SLC12A7: variants seen among roughly 807,000 people sequenced by gnomAD.
The protein encoded by SLC12A7 is solute carrier family 12 member 7.
SLC12A7 carries 100 observed loss-of-function variants against 120.6 expected under a neutral mutation model. That is an observed-to-expected ratio of 0.83 (90% CI 0.71 to 0.98). The LOEUF is 0.98. Among genes scored for constraint, SLC12A7 ranks in the 50% least tolerant of loss-of-function variants. SLC12A7 has a pLI of 0.00. For missense variants in SLC12A7, 1,373 were observed against 1,548.1 expected (o/e 0.89, Z 1.90); for synonymous variants, 760 against 678.0 (o/e 1.12, Z -1.88).
intron 17 of SLC12A7, among the ~76,000 whole-genome samples, chr5:1,066,611 A>T (rs1737080965): frequency 6.6e-6 from 1 of 152,206 alleles, no homozygotes; most frequent in Non-Finnish European, 1.5e-5. Context: ...TTATGGATGT[A>T]TTGAAGAACC....
At chr5:1,053,522 A>G in intron 22 of SLC12A7, 40 bp from the exon 23 acceptor site, 3 of 1,604,134 alleles carry the variant, frequency 1.9e-6, no homozygotes, top group Non-Finnish European at 1.7e-6. Flanking sequence ...CGGCGGGTGC[A>G]CCCCACGCTC....
rs191777137 is a variant in SLC12A7 at position 1,090,520 on chromosome 5, G to A, written c.343-1392C>T. Among the ~76,000 whole-genome samples, 79 of 152,308 alleles carry A rather than the reference G, an allele frequency of 5.2e-4. 1 individual carries two copies. The East Asian group carries it at 0.014, about 26-fold the overall frequency. ...TGGTGCAAACGAGAGAAGCGGTGGC[G>A]GATGGTGGAGAACCGGCTTTGGGAC... On this transcript the variant is annotated intron_variant, in intron 3 of 23. Transcript: ENST00000264930.
the SLC12A7 span, among the ~76,000 whole-genome samples, chr5:1,144,011 G>A: frequency 3.3e-5 from 5 of 152,224 alleles, no homozygotes; most frequent in East Asian, 1.9e-4. Flanking sequence ...TGGCTCGGGC[G>A]GCTGTCACCA....
intron 1 of SLC12A7, among the ~76,000 whole-genome samples, chr5:1,110,700 A>C (rs1742932991): frequency 6.6e-6 from 1 of 152,088 alleles, no homozygotes; most frequent in Non-Finnish European, 1.5e-5. Context: ...AGGGGCTTGG[A>C]CTCACGGACC....
Position 1,081,626 on chromosome 5 carries a change from G to A in SLC12A7, c.1248C>T (p.Ile416=), listed in dbSNP as rs201010004. Residue 416 remains isoleucine (I), a synonymous_variant, in exon 9 of 24, where the codon ATC becomes ATT. Coordinates refer to ENST00000264930, the MANE Select transcript of SLC12A7 (RefSeq NM_006598.3). ...ASALPYVLTD[I]AASFTLLVGI... ...CAACCAGCAGGGTGAAGGAGGCCGC[G>A]ATGTCGGTGAGCACGTAGGGCAGTG... The A allele has an allele frequency of 2.4e-5, 39 of 1,611,196 alleles. No homozygotes were observed. The highest frequency in any genetic ancestry group is 4.5e-5 in the East Asian group (2 of 44,802).
chr5:1,085,318 C>T lies in SLC12A7; in HGVS notation c.831G>A (p.Ala277=), dbSNP rs112522540. 35 of 1,612,508 alleles carry T rather than the reference C, an allele frequency of 2.2e-5. No individual in the cohort carries two copies. The highest frequency in any genetic ancestry group is 1.3e-4 in the African/African-American group (10 of 75,046). ...GCACGACGCAGGCCAGGAAGACCAGCGCCAGCTTGTTGACATACTTGACGC... is the reference window on the plus strand; with the variant it reads ...GCACGACGCAGGCCAGGAAGACCAGTGCCAGCTTGTTGACATACTTGACGC... ...FVGVKYVNKL[A]LVFLACVVLS... is the part of the protein sequence containing the mutation. The change falls in exon 7 of 24, where the codon GCG becomes GCA. Residue 277 remains alanine (A), a synonymous_variant. Coordinates refer to ENST00000264930, the MANE Select transcript of SLC12A7 (RefSeq NM_006598.3).
chr5:1,062,727 G>T (rs1736439303), intron 20 of SLC12A7, among the ~76,000 whole-genome samples: 1 of 152,030 alleles, frequency 6.6e-6, no homozygotes, highest in Non-Finnish European at 1.5e-5. Flanking sequence ...GGGGCTGCGG[G>T]GCTGGAGAGA....
At chr5:1,095,014 G>GGCGGGGGGCCGGGAGGAGGC (rs1441721518) in intron 1 of SLC12A7, among the ~76,000 whole-genome samples, 1 of 124,814 alleles carries the variant, frequency 8.0e-6, no homozygotes, top group Non-Finnish European at 1.8e-5. Context: ...GTCGGTAGGA[G>GGCGGGGGGCCGGGAGGAGGC]GTGGGGGCGG....
At chr5:1,073,870 G>A (rs1738010646) in intron 16 of SLC12A7, 69 bp from the exon 17 acceptor site, 3 of 1,317,794 alleles carry the variant, frequency 2.3e-6, no homozygotes, top group Middle Eastern at 2.0e-4. Flanking sequence ...AACAGGCAGG[G>A]CAGATGGGAC....
intron 1 of SLC12A7, among the ~76,000 whole-genome samples, chr5:1,110,736 G>A (rs1742935524): frequency 6.6e-6 from 1 of 152,264 alleles, no homozygotes; most frequent in Non-Finnish European, 1.5e-5. Context: ...TTCACCTGGT[G>A]TTGAGCCTGG....
chr5:1,070,174 CCCCCAGTG>C, intron 17 of SLC12A7, among the ~76,000 whole-genome samples: 1 of 10,682 alleles, frequency 9.4e-5, no homozygotes, highest in African/African-American at 6.5e-4. Context: ...ACTTATGCAG[CCCCCAGTG>C]AGCCCCCAGT....
intron 22 of SLC12A7, 23 bp downstream of exon 22, chr5:1,057,448 A>G (rs1234343442): frequency 6.3e-6 from 10 of 1,593,862 alleles, no homozygotes; most frequent in African/African-American, 1.3e-5. Context: ...TGTTCCCCCC[A>G]GGCCACACGC....
intron 8 of SLC12A7, among the ~76,000 whole-genome samples, chr5:1,082,129 C>T (rs1035529849): frequency 1.4e-5 from 2 of 143,422 alleles, no homozygotes; most frequent in Non-Finnish European, 3.0e-5. Context: ...CGGGCTTCCC[C>T]GTCTCGGGTT....
intron 15 of SLC12A7, 43 bp downstream of exon 15, chr5:1,075,328 C>T (rs904673479): frequency 6.3e-7 from 1 of 1,589,714 alleles, no homozygotes; most frequent in Non-Finnish European, 8.6e-7. Context: ...AGGGGCCCGC[C>T]CTCCCGTGCG....
rs986488268 is a variant in SLC12A7, at chr5:1,051,297, G to A, written c.*1063C>T. 11 of 187,270 alleles carry A rather than the reference G, an allele frequency of 5.9e-5. No homozygotes were observed. Among genetic ancestry groups the A allele is most frequent in the Non-Finnish European group, 8.7e-5 (8 of 91,694 alleles). The allele number at this position is 187,270 out of a possible 1,614,324, so 11.6% of individuals were successfully genotyped here. On this transcript the variant is annotated 3_prime_UTR_variant, in exon 24 of 24. Transcript: ENST00000264930. ...CCACTGCTGCCTGAGGACCTCCCAC[G>A]TCGGGTCCGTGTCCTCCTTCCCTGG...
chr5:1,079,476 G>A lies in SLC12A7; in HGVS notation c.1318C>T (p.Arg440Trp), dbSNP rs1357921681. 8 of 1,612,606 alleles carry A rather than the reference G, an allele frequency of 5.0e-6. No individual in the cohort carries two copies. The highest frequency in any genetic ancestry group is 2.7e-5 in the African/African-American group (2 of 75,044). ...SVTGIMAGSN[R>W]SGDLKDAQKS... is the part of the protein sequence containing the mutation. The stretch of plus-strand genomic sequence containing the variant: ...TGTGCATCCTTGAGGTCCCCGGACC[G>A]GTTTGAACCCGCCATGATACCTGTG... The change falls in exon 10 of 24, where the codon CGG (arginine) becomes TGG (tryptophan). Residue 440 changes from arginine (R) to tryptophan (W), a missense_variant. Physicochemically the swap from Arg to Trp is moderately radical, Grantham distance 101. Coordinates refer to ENST00000264930, the MANE Select transcript of SLC12A7 (RefSeq NM_006598.3).
chr5:1,099,315 C>T (rs1268633985), intron 1 of SLC12A7, among the ~76,000 whole-genome samples: 1 of 151,860 alleles, frequency 6.6e-6, no homozygotes, highest in Admixed American at 6.5e-5. Flanking sequence ...GACGGCAGAA[C>T]CCAACCCGGT....
chr5:1,086,291 G>A (rs1739852106), intron 6 of SLC12A7, among the ~76,000 whole-genome samples: 1 of 152,168 alleles, frequency 6.6e-6, no homozygotes, highest in Admixed American at 6.5e-5. Context: ...GCTCAGGTGA[G>A]CGTCTCTGAA....
the SLC12A7 span, among the ~76,000 whole-genome samples, chr5:1,117,123 C>T: frequency 1.3e-5 from 2 of 151,990 alleles, no homozygotes; most frequent in African/African-American, 2.4e-5. The surrounding 1 kb of genome is among the most constrained non-coding windows in gnomAD (Gnocchi z 4.5). Context: ...ACCCCAGAGC[C>T]GTGGGGATGG....
Sources: allele counts gnomAD v4.1 joint callset (sites outside exome capture counted in the v4.1 genomes callset), GRCh38; gene constraint gnomAD v4.1.1; non-coding constraint Gnocchi (gnomAD v3.1); transcripts MANE v1.5; gene names NCBI Gene and HGNC (gene_info 2026-07-23, HGNC 2026-07-21).